The following PITRM1 variants were observed in gnomAD, a reference collection of about 807,000 sequenced individuals.
PITRM1 encodes the protein pitrilysin metallopeptidase 1.
In PITRM1, 100 loss-of-function variants were observed where a neutral mutation model predicts 129.9. The observed-to-expected ratio is 0.77, with a 90% CI of 0.65 to 0.91. PITRM1 has a LOEUF of 0.91. Ranked by LOEUF, PITRM1 falls within the 40% of genes least tolerant of loss-of-function variation. The pLI is 0.00. For synonymous variants in PITRM1, 591 were observed against 508.8 expected (o/e 1.16, Z -2.17); for missense variants, 1,471 against 1,318.3 (o/e 1.12, Z -1.79).
chr10:3,139,834 C>G (rs4880595), intron 24 of PITRM1, among the ~76,000 whole-genome samples: 41,412 of 152,192 alleles, frequency 0.27, 5,695 homozygotes, highest in East Asian at 0.3. Flanking sequence ...CTGGCTCCTT[C>G]TTAAAAACTG....
In PITRM1 at chr10:3,165,346, T is replaced by A. The variant is rs1442234427; in HGVS notation, c.534-12A>T. 4.4e-6 allele frequency: 7 copies of A among 1,595,428 alleles called. No individual in the cohort carries two copies. The highest frequency in any genetic ancestry group is 6.0e-6 in the Non-Finnish European group (7 of 1,171,114). ...GCCATCCTTCCTGCCTGAGGACAAA[T>A]CATTATAAGCTGATAGTGACTCAAA... On this transcript the variant is annotated splice_polypyrimidine_tract_variant and intron_variant, in intron 5 of 26. Coordinates refer to ENST00000224949, the MANE Select transcript of PITRM1 (RefSeq NM_014889.4).
At chr10:3,170,377 T>C (rs1843232960) in intron 1 of PITRM1, among the ~76,000 whole-genome samples, 171 bp from the exon 2 acceptor site, 1 of 152,262 alleles carries the variant, frequency 6.6e-6, no homozygotes, top group African/African-American at 2.4e-5. Context: ...GGTAAGGTCC[T>C]TTCCATTTTA....
chr10:3,137,856 A>G lies in PITRM1; in HGVS notation c.*175T>C, dbSNP rs185785237. The G allele has an allele frequency of 1.2e-3, 693 of 588,496 alleles. 6 individuals carry two copies. In the African/African-American group the frequency reaches 0.012, roughly 10 times the overall value. 36.5% of individuals were successfully genotyped at this position (588,496 alleles called of 1,614,324 possible). ...CGCTTCATGCATGATTATTTCAATG[A>G]ACCTCTTCCTGGTCACTCTTAAGAT... On this transcript the variant is annotated 3_prime_UTR_variant, in exon 27 of 27. Transcript: ENST00000224949.
At chr10:3,138,178 TAGAGTCAGCACG>T in intron 26 of PITRM1, 45 bp downstream of exon 26, 1 of 1,572,552 alleles carries the variant, frequency 6.4e-7, no homozygotes, top group Non-Finnish European at 8.7e-7. Flanking sequence ...TGAGCGCTGT[TAGAGTCAGCACG>T]AGGGCTTCCA....
intron 15 of PITRM1, among the ~76,000 whole-genome samples, chr10:3,150,907 A>C (rs1841453593): frequency 6.6e-6 from 1 of 151,992 alleles, no homozygotes; most frequent in Non-Finnish European, 1.5e-5. Context: ...ATTAGGAAAA[A>C]GGGCTCTGAG....
intron 23 of PITRM1, chr10:3,143,101 G>A (rs1301349021): frequency 2.5e-6 from 1 of 397,166 alleles, no homozygotes; most frequent in African/African-American, 2.0e-5. Context: ...GAGTACATGG[G>A]GCATGTTGAA....
rs1488858490 is a variant in PITRM1 at position 3,160,349 on chromosome 10, ATAAT to A, written c.792-23_792-20del. The A allele has an allele frequency of 1.3e-6, 2 of 1,585,370 alleles. No homozygotes were observed. The highest frequency in any genetic ancestry group is 2.7e-5 in the African/African-American group (2 of 74,306). ...GAAGAACCTAAAATTTTAAGGGAAT[ATAAT>A]TAGTCTGTTTTAGTTTAAAAGATGT... On this transcript the variant is annotated intron_variant, in intron 7 of 26. Transcript: ENST00000224949.
intron 13 of PITRM1, 123 bp downstream of exon 13, chr10:3,156,807 T>C (rs1469130757): frequency 6.5e-6 from 4 of 616,630 alleles, no homozygotes; most frequent in African/African-American, 5.7e-5. Flanking sequence ...AAATTTTTAA[T>C]TAGAAATTAA....
At chr10:3,158,836 G>A (rs961974615) in intron 10 of PITRM1, 78 bp downstream of exon 10, 2 of 1,334,886 alleles carry the variant, frequency 1.5e-6, no homozygotes, top group African/African-American at 1.5e-5. Flanking sequence ...TGTGGGGCCG[G>A]GACAGGGTGC....
intron 21 of PITRM1, chr10:3,145,060 A>G (rs1178959843): frequency 6.5e-6 from 1 of 153,656 alleles, no homozygotes; most frequent in Non-Finnish European, 1.4e-5. Context: ...GGGCCAACAG[A>G]GAGACCACAT....
rs201860782 is a variant in PITRM1, at chr10:3,147,571, C to A, written c.2235+1G>T. On this transcript the variant is annotated splice_donor_variant, in intron 19 of 26. Coordinates refer to ENST00000224949, the MANE Select transcript of PITRM1 (RefSeq NM_014889.4). LOFTEE classifies it high-confidence loss of function. ...ATAGAGGTTCCTTCCAAGCTTCCCA[C>A]CTGATCCATCCCGCTGAAGGTCTCC... 6.2e-7 allele frequency: 1 copy of A among 1,613,984 alleles called. No individual in the cohort carries two copies. Among genetic ancestry groups the A allele is most frequent in the South Asian group, 1.1e-5 (1 of 91,082 alleles).
chr10:3,138,505 T>C (rs1304471790), intron 25 of PITRM1, 168 bp from the exon 26 acceptor site: 2 of 638,896 alleles, frequency 3.1e-6, no homozygotes, highest in Non-Finnish European at 5.6e-6. Context: ...GACCTCCAGC[T>C]CCCACGTGCC....
At chr10:3,140,866 C>T in intron 23 of PITRM1, 54 bp from the exon 24 acceptor site, 2 of 1,380,176 alleles carry the variant, frequency 1.4e-6, no homozygotes, top group Non-Finnish European at 2.0e-6. Flanking sequence ...AAAGCATAGA[C>T]AATGAAGTAA....
At chr10:3,164,018 T>G in intron 6 of PITRM1, 133 bp from the exon 7 acceptor site, 2 of 470,126 alleles carry the variant, frequency 4.3e-6, no homozygotes, top group Non-Finnish European at 6.9e-6. Flanking sequence ...GCTGTTCTAA[T>G]GGTTTAAAAA....
Position 3,138,742 on chromosome 10 carries a change from T to C in PITRM1, c.2917+162A>G. The C allele has an allele frequency of 5.0e-6, 4 of 803,810 alleles. No individual in the cohort carries two copies. In the South Asian group the frequency reaches 5.5e-5, roughly 11 times the overall value. 49.8% of individuals were successfully genotyped at this position (803,810 alleles called of 1,614,324 possible). ...AGGATGCACTCTTCTCGCCCGGATG[T>C]CAGGAAGCGTGTTTAGGGTGTCAGA... On this transcript the variant is annotated intron_variant, in intron 25 of 26. Coordinates refer to ENST00000224949, the MANE Select transcript of PITRM1 (RefSeq NM_014889.4).
At chr10:3,164,857 T>C (rs886587340) in intron 6 of PITRM1, among the ~76,000 whole-genome samples, 5 of 152,212 alleles carry the variant, frequency 3.3e-5, no homozygotes, top group African/African-American at 9.6e-5. Context: ...GAGGTGAAGC[T>C]GGACTCCCCC....
At chr10:3,161,519 C>A (rs79891496) in intron 7 of PITRM1, among the ~76,000 whole-genome samples, 1 of 152,168 alleles carries the variant, frequency 6.6e-6, no homozygotes, top group Non-Finnish European at 1.5e-5. Context: ...TTTACACACT[C>A]GGGGTTGAGA....
rs117889722 is a variant in PITRM1, at chr10:3,152,566, C to T, written c.1622-1203G>A. ...CAGCCCTTCTGTCCACCTCTGGAGC[C>T]GCAACTGCCATCAATAACCACCCCT... On this transcript the variant is annotated intron_variant, in intron 14 of 26. Transcript: ENST00000224949. Among the ~76,000 whole-genome samples the T allele has an allele frequency of 9.6e-3, 1,457 of 152,328 alleles. 15 individuals carry two copies. Among genetic ancestry groups the T allele is most frequent in the Non-Finnish European group, 0.017 (1,138 of 68,026 alleles).
At position 3,159,041 on chromosome 10, in the gene PITRM1, T is replaced by C. The variant is rs1327581200; in HGVS notation, c.1009A>G (p.Ile337Val). The C allele has an allele frequency of 4.4e-6, 7 of 1,608,326 alleles. No individual in the cohort carries two copies. Among genetic ancestry groups the C allele is most frequent in the Non-Finnish European group, 5.9e-6 (7 of 1,178,088 alleles). Residue 337 changes from isoleucine (I) to valine (V), a missense_variant and splice_region_variant, in exon 10 of 27, where the codon ATC (isoleucine) becomes GTC (valine). Ile to Val is a conservative substitution (Grantham distance 29). Transcript: ENST00000224949. ...GTGAAGGCTTCAAATGTGTCGGTGATGCTGCATTGAAAAAAAAAGGAACGG... is the reference window on the plus strand; with the variant it reads ...GTGAAGGCTTCAAATGTGTCGGTGACGCTGCATTGAAAAAAAAAGGAACGG... The part of the protein sequence containing the change: ...TISVSFLLPD[I>V]TDTFEAFTLS...
Sources: gnomAD v4.1 joint callset for allele counts (sites outside exome capture counted in the v4.1 genomes callset) on GRCh38, gnomAD v4.1.1 for gene constraint, MANE v1.5 for transcripts, NCBI Gene and HGNC (gene_info 2026-07-23, HGNC 2026-07-21) for gene names.